The following NHEJ1 variants were observed in gnomAD, a reference collection of about 807,000 sequenced individuals.
NHEJ1 encodes non-homologous end-joining factor 1.
Under a neutral mutation model 39.4 loss-of-function variants are expected in NHEJ1, and 22 were observed. The observed-to-expected ratio is 0.56, with a 90% CI of 0.40 to 0.80. The LOEUF is 0.80. NHEJ1 is among the 30% of genes least tolerant of loss of function. NHEJ1 has a pLI of 0.00. For synonymous variants in NHEJ1, 154 were observed against 135.6 expected (o/e 1.14, Z -0.94); for missense variants, 329 against 357.1 (o/e 0.92, Z 0.63).
intron 5 of NHEJ1, among the ~76,000 whole-genome samples, chr2:219,138,398 T>C (rs972203051): frequency 6.6e-6 from 1 of 152,248 alleles, no homozygotes; most frequent in Non-Finnish European, 1.5e-5. Flanking sequence ...AATGGGAATA[T>C]AGGCTACTCA....
At position 219,147,723 on chromosome 2, in the gene NHEJ1, T is replaced by C; in HGVS notation, c.463A>G (p.Thr155Ala). 1.2e-6 allele frequency: 2 copies of C among 1,614,192 alleles called. No individual in the cohort carries two copies. The highest frequency in any genetic ancestry group is 1.1e-5 in the South Asian group (1 of 91,068). Residue 155 changes from threonine (T) to alanine (A), a missense_variant, in exon 4 of 8, where the codon ACG (threonine) becomes GCG (alanine). Thr to Ala is a moderately conservative substitution (Grantham distance 58). Coordinates refer to ENST00000356853, the MANE Select transcript of NHEJ1 (RefSeq NM_024782.3). ...ALQCQVRELA[T>A]LLHMKDLEIQ... ...TCTAGGTCTTTCATATGAAGTAACGTTGCTAGCTCCCTCACTTGGCACTGT... is the reference window on the plus strand; with the variant it reads ...TCTAGGTCTTTCATATGAAGTAACGCTGCTAGCTCCCTCACTTGGCACTGT...
chr2:219,135,043 T>TAAAAAAAAAAAAAAAAAA (rs59843524), intron 5 of NHEJ1, among the ~76,000 whole-genome samples: 1 of 110,430 alleles, frequency 9.1e-6, no homozygotes, highest in Non-Finnish European at 1.8e-5. Context: ...CCGTCTCAAT[T>TAAAAAAAAAAAAAAAAAA]AAAAAAAAAA....
At chr2:219,121,391 T>A (rs530735922) in intron 5 of NHEJ1, among the ~76,000 whole-genome samples, 1 of 152,336 alleles carries the variant, frequency 6.6e-6, no homozygotes, top group South Asian at 2.1e-4. Context: ...TTTCCATATT[T>A]AAAAGAATGA....
chr2:219,073,415 C>T lies in NHEJ1; in HGVS notation c.*2966G>A, dbSNP rs1324708640. Among the ~76,000 whole-genome samples, 1 of 152,162 alleles carries T rather than the reference C, an allele frequency of 6.6e-6. No homozygotes were observed. Among genetic ancestry groups the T allele is most frequent in the Non-Finnish European group, 1.5e-5 (1 of 68,022 alleles). On this transcript the variant is annotated 3_prime_UTR_variant, in exon 8 of 8. Transcript: ENST00000356853. Reference sequence around the variant, plus strand: ...CTTTTAGGACCCAGCCTGAGCTCTGCTTTTAAGGGTTGCTGGGGAAGCCCC... The same window carrying T: ...CTTTTAGGACCCAGCCTGAGCTCTGTTTTTAAGGGTTGCTGGGGAAGCCCC...
intron 5 of NHEJ1, among the ~76,000 whole-genome samples, chr2:219,131,593 A>G (rs1214871675): frequency 3.9e-5 from 6 of 152,210 alleles, no homozygotes; most frequent in Admixed American, 3.9e-4. Flanking sequence ...CTGTTTTGGC[A>G]TTGTGCTAGA....
At chr2:219,076,626 C>CT (rs1197577242) in intron 7 of NHEJ1, among the ~76,000 whole-genome samples, 171 bp from the exon 8 acceptor site, 1 of 149,744 alleles carries the variant, frequency 6.7e-6, no homozygotes, top group African/African-American at 2.5e-5. Flanking sequence ...TCACTGCAGC[C>CT]TTGAACTCCT....
intron 3 of NHEJ1, among the ~76,000 whole-genome samples, chr2:219,153,707 A>G (rs62191799): frequency 0.17 from 7,749 of 46,896 alleles, 1,261 homozygotes; most frequent in Non-Finnish European, 0.32. Flanking sequence ...GGGGGGGTGG[A>G]GAGAGAGAGA....
At chr2:219,092,293 CAA>C (rs58005993) in intron 5 of NHEJ1, among the ~76,000 whole-genome samples, 8 of 111,878 alleles carry the variant, frequency 7.2e-5, no homozygotes, top group Non-Finnish European at 7.8e-5. Context: ...GACACTGCCT[CAA>C]AAAAAAAAAA....
chr2:219,112,126 G>A (rs1949371703), intron 5 of NHEJ1, among the ~76,000 whole-genome samples: 1 of 152,194 alleles, frequency 6.6e-6, no homozygotes, highest in Non-Finnish European at 1.5e-5. Flanking sequence ...AACAGAGATT[G>A]TAACTAAATG....
At chr2:219,150,217 A>G (rs1338825047) in intron 3 of NHEJ1, among the ~76,000 whole-genome samples, 2 of 152,254 alleles carry the variant, frequency 1.3e-5, no homozygotes, top group Non-Finnish European at 1.5e-5. Context: ...GCTAGATTAG[A>G]AAAGACTGGA....
intron 5 of NHEJ1, among the ~76,000 whole-genome samples, chr2:219,088,664 T>C (rs935884000): frequency 6.6e-6 from 1 of 152,146 alleles, no homozygotes; most frequent in African/African-American, 2.4e-5. Flanking sequence ...TATTGGTAGA[T>C]AACAGGGGGG....
chr2:219,120,893 T>C (rs1406594001), intron 5 of NHEJ1, among the ~76,000 whole-genome samples: 1 of 152,132 alleles, frequency 6.6e-6, no homozygotes, highest in Admixed American at 6.5e-5. Context: ...CTGATCATTA[T>C]GTAAAGAATC....
Position 219,147,777 on chromosome 2 carries a change from G to GA in NHEJ1, c.408dup (p.Arg137SerfsTer49). On this transcript the variant is annotated frameshift_variant, in exon 4 of 8. Coordinates refer to ENST00000356853, the MANE Select transcript of NHEJ1 (RefSeq NM_024782.3). LOFTEE classifies it high-confidence loss of function. Reference sequence around the variant, plus strand: ...GCCAGACTCATGCCCATCAGAGGACGAATCAAATGTTGGGAGACCTTTGAG... The same window carrying GA: ...GCCAGACTCATGCCCATCAGAGGACGAAATCAAATGTTGGGAGACCTTTGAG... The GA allele has an allele frequency of 1.2e-6, 2 of 1,614,134 alleles. No homozygotes were observed. The highest frequency in any genetic ancestry group is 1.7e-6 in the Non-Finnish European group (2 of 1,180,010).
At position 219,147,547 on chromosome 2, in the gene NHEJ1, C is replaced by T. The variant is rs183076856; in HGVS notation, c.529+110G>A. The T allele has an allele frequency of 3.9e-5, 52 of 1,341,260 alleles. No homozygotes were observed. In the Admixed American group the frequency reaches 4.0e-4, roughly 10 times the overall value. The allele number at this position is 1,341,260 out of a possible 1,614,324, so 83.1% of individuals were successfully genotyped here. A position where few individuals can be genotyped will look rare whatever the true frequency, so the allele number is the denominator to read the frequency against. The stretch of plus-strand genomic sequence containing the variant: ...TCCAGTTTCTGGTTAGTATTCAGCA[C>T]CCATCCTGGGGGAGGCACTTCTCTA... On this transcript the variant is annotated intron_variant, in intron 4 of 7. Transcript: ENST00000356853.
chr2:219,090,266 C>A (rs994757328), intron 5 of NHEJ1, among the ~76,000 whole-genome samples: 1 of 152,186 alleles, frequency 6.6e-6, no homozygotes. Context: ...AAATTGCTTA[C>A]ACTCAAATCC....
intron 5 of NHEJ1, among the ~76,000 whole-genome samples, chr2:219,132,077 T>C (rs1949584185): frequency 6.6e-6 from 1 of 152,252 alleles, no homozygotes; most frequent in Non-Finnish European, 1.5e-5. Flanking sequence ...GATATAGCCT[T>C]AGACTGATAA....
chr2:219,120,845 C>A (rs1309333910), intron 5 of NHEJ1, among the ~76,000 whole-genome samples: 3 of 152,094 alleles, frequency 2.0e-5, no homozygotes, highest in Non-Finnish European at 4.4e-5. Flanking sequence ...CCTCTCCTAA[C>A]CTCGTCCTCT....
intron 5 of NHEJ1, among the ~76,000 whole-genome samples, chr2:219,095,891 T>C (rs1368176281): frequency 4.0e-5 from 6 of 149,358 alleles, no homozygotes; most frequent in African/African-American, 1.5e-4. Flanking sequence ...AAAAAAAAAC[T>C]GGCAAAGGGT....
intron 5 of NHEJ1, among the ~76,000 whole-genome samples, chr2:219,120,080 G>GT (rs1172647714): frequency 3.3e-5 from 5 of 152,078 alleles, no homozygotes; most frequent in African/African-American, 1.2e-4. Context: ...AATGAACGCA[G>GT]TATCACCCAA....
Sources: gnomAD v4.1 joint callset for allele counts (sites outside exome capture counted in the v4.1 genomes callset) on GRCh38, gnomAD v4.1.1 for gene constraint, MANE v1.5 for transcripts, NCBI Gene and HGNC (gene_info 2026-07-23, HGNC 2026-07-21) for gene names.